Variants in PKHD1L1 observed in about 807,000 individuals in gnomAD.
PKHD1L1 encodes the protein fibrocystin-L.
Under a neutral mutation model 462.9 loss-of-function variants are expected in PKHD1L1, and 434 were observed. That is an observed-to-expected ratio of 0.94 (90% CI 0.87 to 1.02). The LOEUF is 1.02. Ranked by LOEUF, PKHD1L1 falls within the 50% of genes least tolerant of loss-of-function variation. The probability of loss-of-function intolerance (pLI) is 0.00; values close to 1 mark genes in which losing one functional copy is unlikely to be tolerated. For missense variants in PKHD1L1, 5,202 were observed against 5,096.1 expected (o/e 1.02, Z -0.63); for synonymous variants, 1,781 against 1,750.0 (o/e 1.02, Z -0.44).
In PKHD1L1 at chr8:109,401,529, C is replaced by G; in HGVS notation, c.1314C>G (p.Asn438Lys). Reference sequence around the variant, plus strand: ...TTGCATATCATTCTGCTAATGCCAACAGTTATTTTTCCAGTCCAACACAAA... The same window carrying G: ...TTGCATATCATTCTGCTAATGCCAAGAGTTATTTTTCCAGTCCAACACAAA... ...VRIAYHSANA[N>K]SYFSSPTQRS... Residue 438 changes from asparagine (N) to lysine (K), a missense_variant, in exon 14 of 78, where the codon AAC becomes AAG. By Grantham distance (94) the Asn-to-Lys change is moderately conservative (BLOSUM62 0). Coordinates refer to ENST00000378402, the MANE Select transcript of PKHD1L1 (RefSeq NM_177531.6). 2.5e-6 allele frequency: 4 copies of G among 1,595,050 alleles called. No individual in the cohort carries two copies. Among genetic ancestry groups the G allele is most frequent in the Non-Finnish European group, 3.4e-6 (4 of 1,164,306 alleles).
chr8:109,464,176 T>G, intron 48 of PKHD1L1, 40 bp from the exon 49 acceptor site: 111 of 1,396,984 alleles, frequency 7.9e-5, no homozygotes, highest in Non-Finnish European at 9.6e-5. Flanking sequence ...GCTCAACATC[T>G]GAGCTATTAC....
At chr8:109,511,463 C>T (rs569129234) in intron 71 of PKHD1L1, among the ~76,000 whole-genome samples, 9 of 149,874 alleles carry the variant, frequency 6.0e-5, no homozygotes, top group Non-Finnish European at 7.4e-5. Flanking sequence ...TTTGTTCTTG[C>T]GATAGTTTAC....
intron 53 of PKHD1L1, among the ~76,000 whole-genome samples, 162 bp from the exon 54 acceptor site, chr8:109,479,389 A>G (rs930198400): frequency 1.3e-5 from 2 of 152,078 alleles, no homozygotes; most frequent in Admixed American, 1.3e-4. Flanking sequence ...CTCCCCATGA[A>G]ATAGCACCAT....
chr8:109,395,942 A>G (rs573958828), intron 10 of PKHD1L1, 85 bp from the exon 11 acceptor site: 4 of 842,018 alleles, frequency 4.8e-6, no homozygotes, highest in Admixed American at 2.1e-5. Context: ...CACTATGGCT[A>G]GGTAATTTGG....
intron 23 of PKHD1L1, 21 bp from the exon 24 acceptor site, chr8:109,425,064 A>C (rs368929203): frequency 6.5e-7 from 1 of 1,531,516 alleles, no homozygotes; most frequent in African/African-American, 1.4e-5. Flanking sequence ...TCATTTTATC[A>C]ATATTTATTT....
rs1821029569 is a variant in PKHD1L1 at position 109,531,042 on chromosome 8, G to A, written c.*952G>A. ...AATTCTTTACTCAGAAAATTCTAAA[G>A]GGAATACTTAATTTGACAGAACTCC... On this transcript the variant is annotated 3_prime_UTR_variant, in exon 78 of 78. Transcript: ENST00000378402. 6.6e-6 allele frequency among the ~76,000 whole-genome samples: 1 copy of A among 152,168 alleles called. No homozygotes were observed. The highest frequency in any genetic ancestry group is 1.5e-5 in the Non-Finnish European group (1 of 68,036).
At position 109,471,631 on chromosome 8, in the gene PKHD1L1, G is replaced by A. The variant is rs566995594; in HGVS notation, c.8606-3487G>A. Reference sequence around the variant, plus strand: ...ATCTACCTCACGGTAACAAGAGTATGTGGCAAAACATATACCGCCCATAGT... The same window carrying A: ...ATCTACCTCACGGTAACAAGAGTATATGGCAAAACATATACCGCCCATAGT... On this transcript the variant is annotated intron_variant, in intron 50 of 77. Coordinates refer to ENST00000378402, the MANE Select transcript of PKHD1L1 (RefSeq NM_177531.6). Among the ~76,000 whole-genome samples the A allele has an allele frequency of 8.1e-4, 123 of 152,294 alleles. 2 individuals are homozygous for A. The highest frequency in any genetic ancestry group is 7.6e-3 in the Admixed American group (116 of 15,288).
chr8:109,396,003 T>G, intron 10 of PKHD1L1, 24 bp from the exon 11 acceptor site: 1 of 1,478,214 alleles, frequency 6.8e-7, no homozygotes, highest in Non-Finnish European at 9.3e-7. Context: ...TTATGATATT[T>G]TATTTAATGT....
At position 109,479,995 on chromosome 8, in the gene PKHD1L1, A is replaced by G. The variant is rs200863399; in HGVS notation, c.9183A>G (p.Thr3061=). The change falls in exon 55 of 78, where the codon ACA becomes ACG. Residue 3061 remains threonine (T), a synonymous_variant. Coordinates refer to ENST00000378402, the MANE Select transcript of PKHD1L1 (RefSeq NM_177531.6). ...TCTTAAAGTATTGTTTTATAGGAACATGGATTGTAGCTGACATAGATATGC... is the reference window on the plus strand; with the variant it reads ...TCTTAAAGTATTGTTTTATAGGAACGTGGATTGTAGCTGACATAGATATGC... The part of the protein sequence containing the change: ...PGANVIIPEG[T]WIVADIDMPS... 2.6e-4 allele frequency: 404 copies of G among 1,572,362 alleles called. 2 individuals carry two copies. In the South Asian group the frequency reaches 4.5e-3, roughly 18 times the overall value.
intron 67 of PKHD1L1, 43 bp from the exon 68 acceptor site, chr8:109,504,284 T>G: frequency 8.1e-7 from 1 of 1,237,198 alleles, no homozygotes; most frequent in Non-Finnish European, 1.1e-6. Context: ...TTTTATCACT[T>G]TCTTTAGAGA....
chr8:109,436,805 A>G (rs1426039862), intron 30 of PKHD1L1, among the ~76,000 whole-genome samples: 1 of 152,234 alleles, frequency 6.6e-6, no homozygotes, highest in Non-Finnish European at 1.5e-5. Flanking sequence ...TTGATGTCCT[A>G]TCAGAATTTG....
At chr8:109,421,987 T>A (rs1814498770) in intron 23 of PKHD1L1, among the ~76,000 whole-genome samples, 1 of 152,188 alleles carries the variant, frequency 6.6e-6, no homozygotes, top group Non-Finnish European at 1.5e-5. Flanking sequence ...TAGGTACATG[T>A]AATAAATAAT....
chr8:109,442,963 T>C lies in PKHD1L1; in HGVS notation c.4411T>C (p.Phe1471Leu). 3 of 1,613,184 alleles carry C rather than the reference T, an allele frequency of 1.9e-6. No homozygotes were observed. Among genetic ancestry groups the C allele is most frequent in the Non-Finnish European group, 2.5e-6 (3 of 1,179,412 alleles). Residue 1471 changes from phenylalanine (F) to leucine (L), a missense_variant, in exon 36 of 78, where the codon TTT (phenylalanine) becomes CTT (leucine). Physicochemically the swap from Phe to Leu is conservative, Grantham distance 22. Around this residue, in one of 3 missense-constraint regions of PKHD1L1, gnomAD observed 4,497 missense variants for 4,336.8 expected, o/e 1.04. Coordinates refer to ENST00000378402, the MANE Select transcript of PKHD1L1 (RefSeq NM_177531.6). ...TATGGCAGGTTCATTTTCTTACCAA[T>C]TTACTTCTCCTGGAATCCATTATTA... ...KSTSGSFSYQ[F>L]TSPGIHYYSS...
chr8:109,433,437 C>T (rs561946538), intron 28 of PKHD1L1, among the ~76,000 whole-genome samples: 1 of 152,230 alleles, frequency 6.6e-6, no homozygotes, highest in Non-Finnish European at 1.5e-5. Flanking sequence ...GTGTCTTTAT[C>T]CCATAACAGT....
chr8:109,400,957 T>A (rs1430685236), intron 13 of PKHD1L1, among the ~76,000 whole-genome samples: 1 of 136,576 alleles, frequency 7.3e-6, no homozygotes, highest in Non-Finnish European at 1.7e-5. Flanking sequence ...CCAAACTGGT[T>A]GTGTAAGTTT....
chr8:109,466,887 A>G (rs1335109001), intron 50 of PKHD1L1, 118 bp downstream of exon 50: 1 of 917,764 alleles, frequency 1.1e-6, no homozygotes, highest in Non-Finnish European at 1.6e-6. Context: ...TAACATTTAT[A>G]TTAGAGTCCA....
chr8:109,479,749 G>A, intron 54 of PKHD1L1, 110 bp downstream of exon 54: 3 of 877,894 alleles, frequency 3.4e-6, no homozygotes, highest in Non-Finnish European at 5.2e-6. Context: ...GAGCAAGTGT[G>A]GAGAAGTGGA....
At chr8:109,441,435 T>G in intron 34 of PKHD1L1, 56 bp downstream of exon 34, 2 of 975,820 alleles carry the variant, frequency 2.0e-6, no homozygotes, top group South Asian at 3.3e-5. Flanking sequence ...TGAAATTAAT[T>G]TGATTTTTAT....
chr8:109,370,435 G>T (rs1017952932), intron 2 of PKHD1L1, among the ~76,000 whole-genome samples: 3 of 151,350 alleles, frequency 2.0e-5, no homozygotes, highest in Non-Finnish European at 4.4e-5. Flanking sequence ...TTTAAAAAGG[G>T]ATATTAATGA....
Sources: allele counts gnomAD v4.1 joint callset (sites outside exome capture counted in the v4.1 genomes callset), GRCh38; gene constraint gnomAD v4.1.1; regional missense constraint gnomAD v4.1.1; transcripts MANE v1.5; gene names NCBI Gene and HGNC (gene_info 2026-07-23, HGNC 2026-07-21).